Variants in ANKFN1 observed in about 807,000 individuals in gnomAD.
The protein encoded by ANKFN1 is ankyrin repeat and fibronectin type-III domain-containing protein 1.
ANKFN1 carries 74 observed loss-of-function variants against 108.7 expected under a neutral mutation model. That is an observed-to-expected ratio of 0.68 (90% CI 0.56 to 0.83). ANKFN1 has a LOEUF of 0.83. Among genes scored for constraint, ANKFN1 ranks in the 40% least tolerant of loss-of-function variants. The pLI is 0.00. For synonymous variants in ANKFN1, 547 were observed against 516.2 expected (o/e 1.06, Z -0.81); for missense variants, 1,505 against 1,382.3 (o/e 1.09, Z -1.41).
At chr17:56,318,023 C>T (rs1392059443) in intron 3 of ANKFN1, among the ~76,000 whole-genome samples, 4 of 152,196 alleles carry the variant, frequency 2.6e-5, no homozygotes, top group Non-Finnish European at 1.5e-5. Context: ...TTGTTCAGCT[C>T]TTTAGTGCAG....
At chr17:56,200,584 C>A (rs1913963938) in intron 1 of ANKFN1, among the ~76,000 whole-genome samples, 1 of 152,242 alleles carries the variant, frequency 6.6e-6, no homozygotes, top group Admixed American at 6.5e-5. Flanking sequence ...CCCAGCTCAA[C>A]TCCCTCTTGC....
At chr17:56,047,244 C>A (rs569256790) in intron 4 of ANKFN1, among the ~76,000 whole-genome samples, 5 of 152,162 alleles carry the variant, frequency 3.3e-5, no homozygotes, top group Non-Finnish European at 7.4e-5. Flanking sequence ...CCCTCCCTGC[C>A]CTGCTTCTTT....
intron 4 of ANKFN1, among the ~76,000 whole-genome samples, chr17:56,094,460 CTCAGTTG>C: frequency 1.5e-5 from 1 of 68,070 alleles, no homozygotes; most frequent in African/African-American, 5.6e-5. Context: ...TGTCTCAGTT[CTCAGTTG>C]TTTCTTCTTT....
intron 1 of ANKFN1, among the ~76,000 whole-genome samples, chr17:56,188,581 G>GTGTGTATATATATATA (rs1212242378): frequency 3.4e-4 from 17 of 49,648 alleles, no homozygotes; most frequent in East Asian, 2.2e-3. Flanking sequence ...GTGTGTGTGT[G>GTGTGTATATATATATA]TATATATATA....
intron 4 of ANKFN1, among the ~76,000 whole-genome samples, chr17:56,121,955 G>C (rs1055377848): frequency 1.3e-5 from 2 of 152,112 alleles, no homozygotes; most frequent in Non-Finnish European, 2.9e-5. Flanking sequence ...GGGGTTGCTG[G>C]GGGGAGGTAG....
rs2045402134 is a variant in ANKFN1 at position 56,322,565 on chromosome 17, C to A, written c.54-3656C>A. On this transcript the variant is annotated intron_variant, in intron 3 of 20. Transcript: ENST00000682825. ...TACTTTTTGAGACCAATTCCATCAG[C>A]TCTTCCCTGCATTATTCACTCCAGT... Among the ~76,000 whole-genome samples the A allele has an allele frequency of 2.0e-5, 3 of 152,304 alleles. No homozygotes were observed. In the South Asian group the frequency reaches 6.2e-4, roughly 32 times the overall value.
chr17:56,499,220 G>A, intron 20 of ANKFN1, 122 bp downstream of exon 20: 2 of 922,564 alleles, frequency 2.2e-6, no homozygotes, highest in Non-Finnish European at 3.2e-6. Flanking sequence ...CTGCTCAGGG[G>A]TAAGAGTCTA....
At chr17:56,396,909 T>C (rs1249459758) in intron 8 of ANKFN1, among the ~76,000 whole-genome samples, 2 of 152,164 alleles carry the variant, frequency 1.3e-5, no homozygotes, top group Non-Finnish European at 2.9e-5. Context: ...AAGTTTCTAA[T>C]AGTTTCTTCC....
At chr17:56,390,996 A>G (rs1271460849) in intron 8 of ANKFN1, among the ~76,000 whole-genome samples, 1 of 151,640 alleles carries the variant, frequency 6.6e-6, no homozygotes. Context: ...TCTTTATTAT[A>G]GAACTTCTTA....
At chr17:56,307,564 A>G (rs574707330) in intron 3 of ANKFN1, among the ~76,000 whole-genome samples, 2,966 of 152,334 alleles carry the variant, frequency 0.019, 46 homozygotes, top group East Asian at 0.036. Flanking sequence ...CGATCATTAA[A>G]AAGTCAGTAA....
intron 4 of ANKFN1, among the ~76,000 whole-genome samples, chr17:56,070,278 G>A (rs539865511): frequency 1.3e-5 from 2 of 152,252 alleles, no homozygotes; most frequent in South Asian, 4.2e-4. Flanking sequence ...AGGGGAGAAG[G>A]CTCTAGAGGA....
intron 3 of ANKFN1, among the ~76,000 whole-genome samples, chr17:56,271,951 G>A (rs1399216755): frequency 1.3e-5 from 2 of 152,126 alleles, no homozygotes; most frequent in Admixed American, 1.3e-4. Flanking sequence ...CACAAGATCT[G>A]ATATAAAAAG....
chr17:56,144,156 GAAAAAAAAAA>G (rs59884444), intron 4 of ANKFN1, among the ~76,000 whole-genome samples: 1 of 40,552 alleles, frequency 2.5e-5, no homozygotes, highest in African/African-American at 9.2e-5. Context: ...AGGCGCATCT[GAAAAAAAAAA>G]AAAAAAAAAA....
chr17:56,434,352 T>C (rs1465044567), intron 8 of ANKFN1, among the ~76,000 whole-genome samples: 2 of 140,554 alleles, frequency 1.4e-5, no homozygotes, highest in Admixed American at 1.5e-4. Flanking sequence ...CTAGAAGTAG[T>C]GGATGCAAGA....
intron 15 of ANKFN1, among the ~76,000 whole-genome samples, chr17:56,467,500 T>G (rs1218767771): frequency 1.3e-5 from 2 of 151,622 alleles, no homozygotes; most frequent in African/African-American, 4.8e-5. Context: ...GCCAACATGG[T>G]GAAACCCCAT....
intron 8 of ANKFN1, among the ~76,000 whole-genome samples, chr17:56,428,277 C>A (rs1257541228): frequency 1.3e-5 from 2 of 151,646 alleles, no homozygotes; most frequent in Non-Finnish European, 2.9e-5. Context: ...AACTAAAGCA[C>A]AAGGCTCCAG....
At chr17:56,467,814 GA>G (rs879924962) in intron 15 of ANKFN1, among the ~76,000 whole-genome samples, 1,092 of 40,694 alleles carry the variant, frequency 0.027, 25 homozygotes, top group African/African-American at 0.083. Flanking sequence ...AAGAAAGAAA[GA>G]AAGAAAGAAA....
chr17:56,485,869 G>A (rs979375958), intron 18 of ANKFN1, among the ~76,000 whole-genome samples: 13 of 152,162 alleles, frequency 8.5e-5, no homozygotes, highest in Non-Finnish European at 1.9e-4. Flanking sequence ...CAACCCCAGA[G>A]ATGCTGAGTC....
At position 56,427,201 on chromosome 17, in the gene ANKFN1, C is replaced by T. The variant is rs374899925; in HGVS notation, c.911-13126C>T. Among the ~76,000 whole-genome samples the T allele has an allele frequency of 1.3e-3, 191 of 152,252 alleles. 3 individuals are homozygous for T. Among genetic ancestry groups the T allele is most frequent in the African/African-American group, 4.5e-3 (188 of 41,544 alleles). ...GTTGCTTTGTTCCCAAGTCTTCCAT[C>T]CTGTCTCTCACCTTAGCTTACATGT... On this transcript the variant is annotated intron_variant, in intron 8 of 20. Coordinates refer to ENST00000682825, the MANE Select transcript of ANKFN1 (RefSeq NM_001370326.1).
Sources: gnomAD v4.1 joint callset for allele counts (sites outside exome capture counted in the v4.1 genomes callset) on GRCh38, gnomAD v4.1.1 for gene constraint, MANE v1.5 for transcripts, NCBI Gene and HGNC (gene_info 2026-07-23, HGNC 2026-07-21) for gene names.